CLPX: variants seen among roughly 807,000 people sequenced by gnomAD.
CLPX encodes the protein ATP-dependent clpX-like chaperone, mitochondrial.
CLPX carries 34 observed loss-of-function variants against 76.4 expected under a neutral mutation model. That is an observed-to-expected ratio of 0.45 (90% CI 0.34 to 0.59). The LOEUF is 0.59. Among genes scored for constraint, CLPX ranks in the 20% least tolerant of loss-of-function variants. CLPX has a pLI of 0.01. For missense variants in CLPX, 613 were observed against 757.0 expected (o/e 0.81, Z 2.23); for synonymous variants, 248 against 270.9 (o/e 0.92, Z 0.83).
At position 65,148,236 on chromosome 15, in the gene CLPX, G is replaced by A. The variant is rs1297940465; in HGVS notation, c.*2587C>T. The A allele has an allele frequency of 2.0e-5, 3 of 152,098 alleles. No homozygotes were observed. Among genetic ancestry groups the A allele is most frequent in the African/African-American group, 7.2e-5 (3 of 41,422 alleles). The allele number at this position is 152,098 out of a possible 1,614,324, so 9.4% of individuals were successfully genotyped here. Reference sequence around the variant, plus strand: ...ACGTTGGCTTTCATTTAGTCTTTTTGTTTTATTCAAATGTCAAAATGTAAG... The same window carrying A: ...ACGTTGGCTTTCATTTAGTCTTTTTATTTTATTCAAATGTCAAAATGTAAG... On this transcript the variant is annotated 3_prime_UTR_variant, in exon 14 of 14. Transcript: ENST00000300107.
At chr15:65,180,971 G>A (rs546592633) in intron 1 of CLPX, among the ~76,000 whole-genome samples, 2 of 151,800 alleles carry the variant, frequency 1.3e-5, no homozygotes, top group East Asian at 1.9e-4. Flanking sequence ...CAGGCGCGGT[G>A]GCTCATGCCT....
In CLPX at chr15:65,150,775, T is replaced by C; in HGVS notation, c.*48A>G. On this transcript the variant is annotated 3_prime_UTR_variant, in exon 14 of 14. Transcript: ENST00000300107. ...CAGACTGTAGAGACAATTATGATCC[T>C]AAACAAAAGAAGGAAAAGCTGTATA... 1 of 1,332,470 alleles carries C rather than the reference T, an allele frequency of 7.5e-7. No homozygotes were observed. Among genetic ancestry groups the C allele is most frequent in the Non-Finnish European group, 1.1e-6 (1 of 935,676 alleles). 82.5% of individuals were successfully genotyped at this position (1,332,470 alleles called of 1,614,324 possible).
At chr15:65,173,632 A>T (rs1160957252) in intron 3 of CLPX, among the ~76,000 whole-genome samples, 1 of 152,242 alleles carries the variant, frequency 6.6e-6, no homozygotes, top group African/African-American at 2.4e-5. Flanking sequence ...ACAGCCAACA[A>T]GTAGAAACAA....
intron 6 of CLPX, among the ~76,000 whole-genome samples, chr15:65,161,027 AAAT>A (rs1337937720): frequency 6.6e-6 from 1 of 152,226 alleles, no homozygotes; most frequent in Non-Finnish European, 1.5e-5. Flanking sequence ...ATGGAGATAA[AAAT>A]AATAGTTTCT....
rs2087695545 is a variant in CLPX at position 65,149,651 on chromosome 15, G to A, written c.*1172C>T. 2 of 412,114 alleles carry A rather than the reference G, an allele frequency of 4.9e-6. No individual in the cohort carries two copies. The highest frequency in any genetic ancestry group is 9.4e-6 in the Non-Finnish European group (2 of 211,806). 25.5% of individuals were successfully genotyped at this position (412,114 alleles called of 1,614,324 possible). Reference sequence around the variant, plus strand: ...CTGAGGCCAGCAGATCACAAGGTCAGGAGTTACAGACTAGCCTGGCCAACA... The same window carrying A: ...CTGAGGCCAGCAGATCACAAGGTCAAGAGTTACAGACTAGCCTGGCCAACA... On this transcript the variant is annotated 3_prime_UTR_variant, in exon 14 of 14. Transcript: ENST00000300107.
At chr15:65,158,253 C>T in intron 7 of CLPX, 1 of 304,524 alleles carries the variant, frequency 3.3e-6, no homozygotes, top group Non-Finnish European at 6.0e-6. Context: ...AACTCTTGGC[C>T]TCAAGTGATC....
chr15:65,164,324 A>G (rs2087885633), intron 4 of CLPX, 136 bp from the exon 5 acceptor site: 10 of 617,822 alleles, frequency 1.6e-5, no homozygotes, highest in South Asian at 1.5e-4. Flanking sequence ...AAATGACAAT[A>G]CATTATATAG....
intron 3 of CLPX, among the ~76,000 whole-genome samples, chr15:65,177,944 C>G (rs997991499): frequency 5.9e-5 from 9 of 152,144 alleles, no homozygotes; most frequent in Non-Finnish European, 8.8e-5. Flanking sequence ...TATAGCCATG[C>G]ACCACCATGC....
At chr15:65,152,861 T>G (rs1423271581) in intron 12 of CLPX, among the ~76,000 whole-genome samples, 2 of 151,546 alleles carry the variant, frequency 1.3e-5, no homozygotes, top group African/African-American at 4.8e-5. Flanking sequence ...CCTCCCAAAG[T>G]GCTAGGATTA....
rs1177320664 is a variant in CLPX at position 65,150,564 on chromosome 15, TA to T, written c.*258del. On this transcript the variant is annotated 3_prime_UTR_variant, in exon 14 of 14. Coordinates refer to ENST00000300107, the MANE Select transcript of CLPX (RefSeq NM_006660.5). ...AATTCCTAAGAATTTTGTTAAAGCA[TA>T]TTTTTTTTAAAAAACTGAACCAAAA... 4 of 286,046 alleles carry T rather than the reference TA, an allele frequency of 1.4e-5. No individual in the cohort carries two copies. Among genetic ancestry groups the T allele is most frequent in the Non-Finnish European group, 2.6e-5 (4 of 156,114 alleles). The allele number at this position is 286,046 out of a possible 1,614,324, so 17.7% of individuals were successfully genotyped here. A position where few individuals can be genotyped will look rare whatever the true frequency, so the allele number is the denominator to read the frequency against.
At chr15:65,174,990 T>C (rs2088070023) in intron 3 of CLPX, among the ~76,000 whole-genome samples, 1 of 152,190 alleles carries the variant, frequency 6.6e-6, no homozygotes, top group South Asian at 2.1e-4. Context: ...GAAGATATGT[T>C]ATAGAACTTT....
intron 3 of CLPX, among the ~76,000 whole-genome samples, chr15:65,171,056 C>A (rs1435568958): frequency 6.6e-6 from 1 of 151,814 alleles, no homozygotes; most frequent in Non-Finnish European, 1.5e-5. Context: ...CTTCTGACCT[C>A]ATGAAACACC....
rs894273819 is a variant in CLPX, at chr15:65,164,274, T to C, written c.514-86A>G. Reference sequence around the variant, plus strand: ...AAAGTTATTTACTAAGCATATTTGCTTACAGTTTTAAATCTGAACAAAGAC... The same window carrying C: ...AAAGTTATTTACTAAGCATATTTGCCTACAGTTTTAAATCTGAACAAAGAC... On this transcript the variant is annotated intron_variant, in intron 4 of 13. Transcript: ENST00000300107. 4.6e-6 allele frequency: 5 copies of C among 1,096,092 alleles called. No homozygotes were observed. In the South Asian group the frequency reaches 6.5e-5, roughly 14 times the overall value. 67.9% of individuals were successfully genotyped at this position (1,096,092 alleles called of 1,614,324 possible).
chr15:65,170,041 A>G (rs887434904), intron 3 of CLPX, among the ~76,000 whole-genome samples: 1 of 152,010 alleles, frequency 6.6e-6, no homozygotes, highest in Non-Finnish European at 1.5e-5. Context: ...GATTACAGGC[A>G]TGAGCCACCG....
chr15:65,169,049 A>G (rs1595942804), intron 3 of CLPX, among the ~76,000 whole-genome samples: 2 of 129,894 alleles, frequency 1.5e-5, no homozygotes, highest in Admixed American at 7.9e-5. Context: ...TTTGAGATGG[A>G]GTCTTGCTCT....
intron 1 of CLPX, among the ~76,000 whole-genome samples, chr15:65,181,051 T>A (rs575090502): frequency 6.6e-6 from 1 of 151,438 alleles, no homozygotes; most frequent in African/African-American, 2.4e-5. Flanking sequence ...ATACAAAAAT[T>A]AGCTGGGTGT....
chr15:65,154,756 C>CT, intron 11 of CLPX, 26 bp downstream of exon 11: 1 of 1,536,882 alleles, frequency 6.5e-7, no homozygotes, highest in Non-Finnish European at 8.8e-7. Flanking sequence ...TAAAAAATAA[C>CT]TAAGTACAAA....
Position 65,158,653 on chromosome 15 carries a change from C to T in CLPX, c.814G>A (p.Gly272Ser). 1.2e-6 allele frequency: 2 copies of T among 1,613,794 alleles called. No individual in the cohort carries two copies. Among genetic ancestry groups the T allele is most frequent in the Middle Eastern group, 1.7e-4 (1 of 6,060 alleles). Residue 272 changes from glycine (G) to serine (S), a missense_variant, in exon 7 of 14, where the codon GGT (glycine) becomes AGT (serine). Around this residue, in one of 2 missense-constraint regions of CLPX, gnomAD observed 450 missense variants for 638.6 expected, o/e 0.70. Coordinates refer to ENST00000300107, the MANE Select transcript of CLPX (RefSeq NM_006660.5). ...NQQIPQEKRG[G>S]EVLDSSHDDI... ...TCATGAGAAGAATCCAATACTTCAC[C>T]TCCTCGTTTTTCCTGAGGTATTTGT...
chr15:65,175,835 T>C (rs962457903), intron 3 of CLPX, among the ~76,000 whole-genome samples: 2 of 152,106 alleles, frequency 1.3e-5, no homozygotes, highest in African/African-American at 4.8e-5. Context: ...CACAGAAGGA[T>C]TCAAAAGGAT....
Sources: allele counts gnomAD v4.1 joint callset (sites outside exome capture counted in the v4.1 genomes callset), GRCh38; gene constraint gnomAD v4.1.1; regional missense constraint gnomAD v4.1.1; transcripts MANE v1.5; gene names NCBI Gene and HGNC (gene_info 2026-07-23, HGNC 2026-07-21).